The following SGCZ variants were observed in gnomAD, a reference collection of about 807,000 sequenced individuals.
SGCZ encodes the protein sarcoglycan zeta.
A neutral mutation model predicts 41.3 loss-of-function variants in SGCZ; 40 were observed. The observed-to-expected ratio is 0.97, with a 90% CI of 0.75 to 1.26. The LOEUF (loss-of-function observed/expected upper bound fraction) is 1.26. SGCZ is among the 50% of genes most tolerant of loss of function. SGCZ has a pLI of 0.00. For missense variants in SGCZ, 552 were observed against 369.8 expected, an observed-to-expected ratio of 1.49 and a Z score of -4.04; for synonymous variants, 206 against 137.5, an observed-to-expected ratio of 1.50 and a Z score of -3.49.
intron 1 of SGCZ, among the ~76,000 whole-genome samples, chr8:14,845,000 G>C (rs1803050247): frequency 6.6e-6 from 1 of 152,164 alleles, no homozygotes; most frequent in South Asian, 2.1e-4. Context: ...GGAAAAGGCA[G>C]CTAGAATTTA....
intron 1 of SGCZ, among the ~76,000 whole-genome samples, chr8:14,989,747 G>A (rs1448188375): frequency 6.6e-6 from 1 of 152,160 alleles, no homozygotes; most frequent in African/African-American, 2.4e-5. Context: ...TAGTTAAGCA[G>A]AAAGAGAGAT....
intron 1 of SGCZ, among the ~76,000 whole-genome samples, chr8:14,993,948 T>A (rs892151139): frequency 6.6e-6 from 1 of 152,130 alleles, no homozygotes; most frequent in Non-Finnish European, 1.5e-5. Flanking sequence ...GGGGCCAGAC[T>A]GTAAAGAAGC....
chr8:14,814,969 T>G (rs183273414), intron 1 of SGCZ, among the ~76,000 whole-genome samples: 86 of 152,202 alleles, frequency 5.7e-4, no homozygotes, highest in Non-Finnish European at 1.1e-3. Context: ...AAACTACTGT[T>G]CTGAACTCGG....
intron 2 of SGCZ, among the ~76,000 whole-genome samples, chr8:14,413,071 A>G (rs1389970596): frequency 6.6e-6 from 1 of 152,052 alleles, no homozygotes; most frequent in Non-Finnish European, 1.5e-5. Context: ...GCTTTGCATA[A>G]AGATCAATGC....
intron 1 of SGCZ, among the ~76,000 whole-genome samples, chr8:14,985,974 G>T (rs1439533604): frequency 5.9e-5 from 9 of 152,042 alleles, no homozygotes; most frequent in African/African-American, 2.2e-4. Context: ...CTAGAGATGG[G>T]GTTATTGAAT....
In SGCZ at chr8:15,136,651, G is replaced by A. The variant is rs1808117452; in HGVS notation, c.39+100934C>T. Among the ~76,000 whole-genome samples the A allele has an allele frequency of 1.3e-5, 2 of 152,210 alleles. 1 individual carries two copies. The highest frequency in any genetic ancestry group is 6.8e-3 in the Middle Eastern group (2 of 294). ...CATAAGATCTGATGCTTTTATTAGT[G>A]TCTGGTATTTTCCCTGCTTGCTCTC... On this transcript the variant is annotated intron_variant, in intron 1 of 7. Coordinates refer to ENST00000382080, the MANE Select transcript of SGCZ (RefSeq NM_139167.4).
chr8:14,419,808 A>G (rs906287694), intron 2 of SGCZ, among the ~76,000 whole-genome samples: 2 of 152,034 alleles, frequency 1.3e-5, no homozygotes, highest in African/African-American at 4.8e-5. Flanking sequence ...GTTGTAATAA[A>G]TTTAGTGGAA....
intron 2 of SGCZ, among the ~76,000 whole-genome samples, chr8:14,403,080 GCTCT>G (rs568677775): frequency 0.028 from 4,143 of 149,710 alleles, 534 homozygotes; most frequent in African/African-American, 0.1. Context: ...TCATGATTTG[GCTCT>G]CTGTTTGTCT....
At chr8:15,225,952 A>C (rs747353924) in intron 1 of SGCZ, among the ~76,000 whole-genome samples, 1 of 152,004 alleles carries the variant, frequency 6.6e-6, no homozygotes, top group Admixed American at 6.6e-5. Context: ...GCACATCTAC[A>C]TTGCCTTACT....
chr8:14,177,334 C>G (rs7840084), intron 4 of SGCZ, among the ~76,000 whole-genome samples: 37,353 of 152,074 alleles, frequency 0.25, 6,166 homozygotes, highest in African/African-American at 0.47. Context: ...AAAGACTGAA[C>G]GCATGACAGG....
intron 2 of SGCZ, among the ~76,000 whole-genome samples, chr8:14,504,613 CTTTT>C (rs1353456830): frequency 2.0e-5 from 3 of 151,782 alleles, no homozygotes; most frequent in African/African-American, 7.3e-5. Flanking sequence ...TTTTTCTGTT[CTTTT>C]ATCTTTTTAT....
chr8:14,355,873 T>A (rs898868962), intron 2 of SGCZ, among the ~76,000 whole-genome samples: 2 of 152,142 alleles, frequency 1.3e-5, no homozygotes, highest in South Asian at 4.1e-4. Context: ...TCTAAGAAGG[T>A]CTGTGAGTTA....
At chr8:14,256,070 T>C (rs1799454309) in intron 3 of SGCZ, among the ~76,000 whole-genome samples, 1 of 152,154 alleles carries the variant, frequency 6.6e-6, no homozygotes, top group Non-Finnish European at 1.5e-5. Context: ...TTATTTTCTC[T>C]TGAAGACCTA....
At chr8:14,227,537 A>C (rs1482127522) in intron 4 of SGCZ, among the ~76,000 whole-genome samples, 1 of 152,110 alleles carries the variant, frequency 6.6e-6, no homozygotes, top group Non-Finnish European at 1.5e-5. Context: ...ACAGGCAAAT[A>C]TATTATAAAA....
chr8:14,745,140 T>G (rs1799305894), intron 1 of SGCZ, among the ~76,000 whole-genome samples: 1 of 152,224 alleles, frequency 6.6e-6, no homozygotes, highest in African/African-American at 2.4e-5. Context: ...TGTCTCTACC[T>G]GCACTTTTAG....
chr8:15,127,801 G>C (rs1490383059), intron 1 of SGCZ, among the ~76,000 whole-genome samples: 2 of 152,036 alleles, frequency 1.3e-5, no homozygotes, highest in African/African-American at 4.8e-5. Flanking sequence ...AAAATAAATA[G>C]AAAAGAAATT....
intron 2 of SGCZ, among the ~76,000 whole-genome samples, chr8:14,499,173 G>T (rs1373659414): frequency 6.6e-6 from 1 of 151,706 alleles, no homozygotes; most frequent in South Asian, 2.1e-4. Flanking sequence ...TCTAATTATA[G>T]CCATGGATTC....
intron 4 of SGCZ, among the ~76,000 whole-genome samples, chr8:14,178,916 G>C (rs1429704788): frequency 6.6e-6 from 1 of 152,166 alleles, no homozygotes; most frequent in Non-Finnish European, 1.5e-5. Flanking sequence ...TACGACATGA[G>C]GCATTGGTCA....
chr8:14,594,220 AT>A (rs1805334681), intron 1 of SGCZ, among the ~76,000 whole-genome samples: 4 of 148,058 alleles, frequency 2.7e-5, no homozygotes, highest in East Asian at 1.9e-4. Flanking sequence ...AAATAAATAA[AT>A]AAATAAAATA....
Sources: gnomAD v4.1 joint callset for allele counts (sites outside exome capture counted in the v4.1 genomes callset) on GRCh38, gnomAD v4.1.1 for gene constraint, MANE v1.5 for transcripts, NCBI Gene and HGNC (gene_info 2026-07-23, HGNC 2026-07-21) for gene names.